The following REV1 variants were observed in gnomAD, a reference collection of about 807,000 sequenced individuals.
REV1 encodes the protein REV1 DNA directed polymerase.
REV1 carries 42 observed loss-of-function variants against 137.4 expected under a neutral mutation model. That is an observed-to-expected ratio of 0.31 (90% CI 0.24 to 0.40). REV1 has a LOEUF of 0.40. REV1 is among the 10% of genes least tolerant of loss of function. The probability of loss-of-function intolerance (pLI) is 1.00; values close to 1 mark genes in which losing one functional copy is unlikely to be tolerated. For missense variants in REV1, 1,282 were observed against 1,490.1 expected, an observed-to-expected ratio of 0.86 and a Z score of 2.30; for synonymous variants, 524 against 519.2, an observed-to-expected ratio of 1.01 and a Z score of -0.12.
At chr2:99,473,672 T>C (rs1388658378) in intron 1 of REV1, among the ~76,000 whole-genome samples, 1 of 152,224 alleles carries the variant, frequency 6.6e-6, no homozygotes, top group African/African-American at 2.4e-5. Flanking sequence ...ACTGAAACAT[T>C]TTCCTGTTGC....
At chr2:99,457,700 A>AAAG (rs1553562808) in intron 3 of REV1, among the ~76,000 whole-genome samples, 7 of 151,832 alleles carry the variant, frequency 4.6e-5, no homozygotes, top group African/African-American at 1.7e-4. Flanking sequence ...AAAAAAAAAA[A>AAAG]AGAGAGAGAG....
At chr2:99,444,061 C>A (rs1190655552) in intron 4 of REV1, among the ~76,000 whole-genome samples, 1 of 152,130 alleles carries the variant, frequency 6.6e-6, no homozygotes, top group Non-Finnish European at 1.5e-5. Flanking sequence ...ACCTCGTGAT[C>A]CACCCGCCTC....
intron 22 of REV1, among the ~76,000 whole-genome samples, chr2:99,401,689 G>A (rs1675445695): frequency 6.6e-6 from 1 of 152,214 alleles, no homozygotes; most frequent in Admixed American, 6.5e-5. Flanking sequence ...AGAGGCTGCA[G>A]TAAGCCAAGA....
At chr2:99,468,811 A>C (rs141433220) in intron 1 of REV1, among the ~76,000 whole-genome samples, 2 of 152,372 alleles carry the variant, frequency 1.3e-5, no homozygotes, top group African/African-American at 4.8e-5. Context: ...GTACACCTTC[A>C]ATAAACATTA....
rs28382952 is a variant in REV1 at position 99,410,584 on chromosome 2, C to T, written c.2345+111G>A. The T allele has an allele frequency of 1.2e-3, 1,130 of 919,590 alleles. 10 individuals are homozygous for T. In the African/African-American group the frequency reaches 0.017, roughly 14 times the overall value. 57.0% of individuals were successfully genotyped at this position (919,590 alleles called of 1,614,324 possible). The stretch of plus-strand genomic sequence containing the variant: ...CTGCTTCTACAGAATACCAGATTAA[C>T]GGGTTTACAGGTCTTTATTCAAACT... On this transcript the variant is annotated intron_variant, in intron 14 of 22. Transcript: ENST00000258428.
At position 99,408,026 on chromosome 2, in the gene REV1, T is replaced by C. The variant is rs1308536465; in HGVS notation, c.2448+3A>G. ...AGAATTTACAATGTTACTATATACTTACCCCTCTCATATCTGATATATTTA... is the reference window on the plus strand; with the variant it reads ...AGAATTTACAATGTTACTATATACTCACCCCTCTCATATCTGATATATTTA... On this transcript the variant is annotated splice_donor_region_variant and intron_variant, in intron 15 of 22. Coordinates refer to ENST00000258428, the MANE Select transcript of REV1 (RefSeq NM_016316.4). The C allele has an allele frequency of 4.6e-6, 7 of 1,526,160 alleles. No individual in the cohort carries two copies. Among genetic ancestry groups the C allele is most frequent in the Non-Finnish European group, 6.3e-6 (7 of 1,113,602 alleles). 94.5% of individuals were successfully genotyped at this position (1,526,160 alleles called of 1,614,324 possible).
intron 17 of REV1, 44 bp from the exon 18 acceptor site, chr2:99,404,721 A>G (rs2290261): frequency 0.42 from 562,649 of 1,353,478 alleles, 119,586 homozygotes; most frequent in Admixed American, 0.63. Context: ...AAGCATGCTC[A>G]GAGATGAGGT....
At chr2:99,447,001 T>C (rs562265427) in intron 4 of REV1, among the ~76,000 whole-genome samples, 11 of 152,082 alleles carry the variant, frequency 7.2e-5, no homozygotes, top group Non-Finnish European at 1.6e-4. Flanking sequence ...GACACATACC[T>C]AAAAGCCATT....
chr2:99,418,888 G>A lies in REV1; in HGVS notation c.1891C>T (p.His631Tyr), dbSNP rs1213497830. 6.2e-7 allele frequency: 1 copy of A among 1,611,822 alleles called. No homozygotes were observed. The highest frequency in any genetic ancestry group is 1.7e-5 in the Admixed American group (1 of 59,990). The change falls in exon 12 of 23, where the codon CAC (histidine) becomes TAC (tyrosine). Residue 631 changes from histidine (H) to tyrosine (Y), a missense_variant. His to Tyr is a moderately conservative substitution (Grantham distance 83). Transcript: ENST00000258428. ...TRKAKPDGQY[H>Y]LKPEEVDDFI... ...TCATCTACTTCTTCTGGTTTTAGGT[G>A]GTACTGCCCATCTGGTTTTGCTTTT...
chr2:99,489,734 C>CGGGGCGGGTCTGCGGCGCTGCCG (rs535989354), intron 1 of REV1, 83 bp downstream of exon 1: 4 of 149,592 alleles, frequency 2.7e-5, no homozygotes, highest in Admixed American at 1.3e-4. Context: ...TGGCCGCTGC[C>CGGGGCGGGTCTGCGGCGCTGCCG]GGGCGGGTCT....
rs1687526524 is a variant in REV1 at position 99,489,883 on chromosome 2, C to CCCG, written c.-80_-78dup. 2.0e-5 allele frequency: 3 copies of CCCG among 150,120 alleles called. No individual in the cohort carries two copies. The highest frequency in any genetic ancestry group is 1.3e-4 in the Admixed American group (2 of 15,110). 9.3% of individuals were successfully genotyped at this position (150,120 alleles called of 1,614,324 possible). On this transcript the variant is annotated 5_prime_UTR_variant, in exon 1 of 23. Transcript: ENST00000258428. ...CTTCTCCGGCCTTGCGGACCCCGGC[C>CCCG]CCGCCGCCGCCAGTGCCCTCGCCAG...
intron 12 of REV1, among the ~76,000 whole-genome samples, chr2:99,414,289 A>G (rs765554520): frequency 6.6e-6 from 1 of 152,220 alleles, no homozygotes. Flanking sequence ...ATATAACACA[A>G]GGTTAGGAAG....
intron 1 of REV1, among the ~76,000 whole-genome samples, chr2:99,476,428 C>T (rs951805800): frequency 1.3e-5 from 2 of 152,002 alleles, no homozygotes; most frequent in Non-Finnish European, 2.9e-5. Context: ...TGGTGGCACA[C>T]GCCGGTAATC....
chr2:99,455,886 G>T (rs1683484108), intron 3 of REV1, among the ~76,000 whole-genome samples: 1 of 151,898 alleles, frequency 6.6e-6, no homozygotes, highest in Non-Finnish European at 1.5e-5. Flanking sequence ...ACTTGTCCGG[G>T]CCCCCCTCCA....
rs186968586 is a variant in REV1 at position 99,487,804 on chromosome 2, C to G, written c.-11+2013G>C. On this transcript the variant is annotated intron_variant, in intron 1 of 22. Coordinates refer to ENST00000258428, the MANE Select transcript of REV1 (RefSeq NM_016316.4). The stretch of plus-strand genomic sequence containing the variant: ...AGACGAGAGGTACCTGTCACCTCTT[C>G]TGATTACCTTTCCTCTCACGCTTTG... Among the ~76,000 whole-genome samples, 113 of 118,182 alleles carry G rather than the reference C, an allele frequency of 9.6e-4. 31 individuals are homozygous for G. Among genetic ancestry groups the G allele is most frequent in the Non-Finnish European group, 1.7e-3 (93 of 54,340 alleles). The allele number at this position is 118,182 out of a possible 152,430, so 77.5% of individuals were successfully genotyped here.
rs148441635 is a variant in REV1, at chr2:99,410,751, C to T, written c.2289G>A (p.Gly763=). The T allele has an allele frequency of 1.2e-5, 19 of 1,610,214 alleles. No individual in the cohort carries two copies. The African/African-American group carries it at 2.4e-4, about 20-fold the overall frequency. Residue 763 remains glycine, a synonymous_variant, in exon 14 of 23, where the codon GGG becomes GGA. Transcript: ENST00000258428. ...CAAATTTTGCAGTTTCTACAGGAGCCCCAGGCTTTCGTACCATGATTTTGA... is the reference window on the plus strand; with the variant it reads ...CAAATTTTGCAGTTTCTACAGGAGCTCCAGGCTTTCGTACCATGATTTTGA... ...LTLKIMVRKP[G]APVETAKFGG... is the part of the protein sequence containing the mutation.
chr2:99,402,577 T>TTTA, intron 21 of REV1, 67 bp downstream of exon 21: 1 of 1,465,388 alleles, frequency 6.8e-7, no homozygotes, highest in Admixed American at 1.9e-5. Flanking sequence ...GTTTAGTCTG[T>TTTA]TTATGTTCTC....
intron 3 of REV1, among the ~76,000 whole-genome samples, chr2:99,459,460 C>T (rs992566673): frequency 1.2e-4 from 19 of 152,052 alleles, no homozygotes; most frequent in Non-Finnish European, 1.2e-4. Context: ...AATCTCCACA[C>T]TTTGGGAGGC....
intron 14 of REV1, chr2:99,408,357 G>T (rs3828316): frequency 0.58 from 195,784 of 336,578 alleles, 58,416 homozygotes; most frequent in African/African-American, 0.74. Flanking sequence ...GAACTTTAAG[G>T]TAAAAACCGT....
Sources: gnomAD v4.1 joint callset for allele counts (sites outside exome capture counted in the v4.1 genomes callset) on GRCh38, gnomAD v4.1.1 for gene constraint, MANE v1.5 for transcripts, NCBI Gene and HGNC (gene_info 2026-07-23, HGNC 2026-07-21) for gene names.